Variants in GMCL1 observed in about 807,000 individuals in gnomAD.
GMCL1 encodes germ cell-less 1, spermatogenesis associated.
Under a neutral mutation model 75.5 loss-of-function variants are expected in GMCL1, and 54 were observed. The ratio of observed to expected loss-of-function variants is 0.71; its 90% CI spans 0.57 to 0.90. GMCL1 has a LOEUF of 0.90. Ranked by LOEUF, GMCL1 falls within the 40% of genes least tolerant of loss-of-function variation. The probability of loss-of-function intolerance (pLI) is 0.00; values close to 1 mark genes in which losing one functional copy is unlikely to be tolerated. For synonymous variants in GMCL1, 210 were observed against 209.6 expected, an observed-to-expected ratio of 1.00 and a Z score of -0.02; for missense variants, 537 against 622.7, an observed-to-expected ratio of 0.86 and a Z score of 1.47.
intron 7 of GMCL1, 22 bp downstream of exon 7, chr2:69,847,649 A>G (rs1477389255): frequency 7.0e-7 from 1 of 1,434,568 alleles, no homozygotes; most frequent in East Asian, 2.3e-5. Context: ...ATATGATGTC[A>G]TATTATACAA....
chr2:69,854,350 A>G (rs1257325253), intron 8 of GMCL1, among the ~76,000 whole-genome samples: 2 of 152,122 alleles, frequency 1.3e-5, no homozygotes, highest in Non-Finnish European at 2.9e-5. Context: ...TTCAATAGAG[A>G]ATTAATATAT....
intron 6 of GMCL1, 68 bp from the exon 7 acceptor site, chr2:69,847,475 T>C: frequency 1.0e-6 from 1 of 971,560 alleles, no homozygotes; most frequent in South Asian, 1.3e-5. Context: ...CTTAAAGCTT[T>C]TATTTCTACC....
intron 11 of GMCL1, 188 bp from the exon 12 acceptor site, chr2:69,869,531 G>A (rs1419004509): frequency 1.5e-5 from 8 of 531,884 alleles, no homozygotes; most frequent in East Asian, 1.2e-4. Context: ...GATCATTAAG[G>A]GCAGCTTTTC....
chr2:69,838,198 G>T (rs923451537), intron 2 of GMCL1, among the ~76,000 whole-genome samples: 1 of 151,684 alleles, frequency 6.6e-6, no homozygotes, highest in African/African-American at 2.4e-5. Context: ...CATAGCTGAC[G>T]TGGTGTTGGG....
In GMCL1 at chr2:69,843,170, G is replaced by A; in HGVS notation, c.601G>A (p.Gly201Ser). Residue 201 changes from glycine to serine, a missense_variant, in exon 5 of 14, where the codon GGT (glycine) becomes AGT (serine). By Grantham distance (56) the Gly-to-Ser change is moderately conservative. Coordinates refer to ENST00000282570, the MANE Select transcript of GMCL1 (RefSeq NM_178439.5). Reference sequence around the variant, plus strand: ...ACAGGACGGTTTAATACAGCAGTGTGGTGAGACAATGAAGGAAACAGTTAA... The same window carrying A: ...ACAGGACGGTTTAATACAGCAGTGTAGTGAGACAATGAAGGAAACAGTTAA... ...LQLDGLIQQC[G>S]ETMKETVNVK... 1 of 1,609,938 alleles carries A rather than the reference G, an allele frequency of 6.2e-7. No homozygotes were observed. Among genetic ancestry groups the A allele is most frequent in the South Asian group, 1.1e-5 (1 of 90,986 alleles).
chr2:69,848,543 C>T (rs1675219737), intron 7 of GMCL1, among the ~76,000 whole-genome samples: 1 of 152,080 alleles, frequency 6.6e-6, no homozygotes, highest in African/African-American at 2.4e-5. Context: ...CCCCTCTCTA[C>T]AAAAAATACA....
At chr2:69,877,690 G>A (rs920255250) in intron 13 of GMCL1, among the ~76,000 whole-genome samples, 2 of 124,244 alleles carry the variant, frequency 1.6e-5, no homozygotes, top group African/African-American at 6.3e-5. Context: ...CTCGTACAGA[G>A]AGAGAGATTG....
chr2:69,870,628 C>T (rs1017353058), intron 12 of GMCL1, among the ~76,000 whole-genome samples: 4 of 151,978 alleles, frequency 2.6e-5, no homozygotes, highest in African/African-American at 9.7e-5. Flanking sequence ...ACATTAATAC[C>T]CAGAATATAT....
chr2:69,861,003 C>T (rs564469269), intron 9 of GMCL1, among the ~76,000 whole-genome samples: 20 of 152,280 alleles, frequency 1.3e-4, no homozygotes, highest in Middle Eastern at 6.8e-3. Context: ...CCACCACACC[C>T]GGCTAATTTT....
intron 11 of GMCL1, among the ~76,000 whole-genome samples, chr2:69,869,185 G>T (rs1222850629): frequency 6.6e-6 from 1 of 151,038 alleles, no homozygotes; most frequent in Non-Finnish European, 1.5e-5. Context: ...GGAGGTGGAG[G>T]TTGTGGTGAG....
intron 6 of GMCL1, chr2:69,844,416 A>G (rs2103967204): frequency 3.1e-6 from 1 of 325,914 alleles, no homozygotes; most frequent in East Asian, 5.3e-5. Flanking sequence ...GTTTTAACCG[A>G]AAAATGCATT....
intron 6 of GMCL1, chr2:69,844,467 C>A: frequency 4.4e-6 from 1 of 229,244 alleles, no homozygotes; most frequent in Non-Finnish European, 8.4e-6. Flanking sequence ...TTTTGCCAGG[C>A]TGTTAGAGAA....
In GMCL1 at chr2:69,830,287, T is replaced by C. The variant is rs989743169; in HGVS notation, c.260+135T>C. The C allele has an allele frequency of 9.2e-6, 11 of 1,201,584 alleles. No individual in the cohort carries two copies. The Admixed American group carries it at 3.2e-4, about 35-fold the overall frequency. The allele number at this position is 1,201,584 out of a possible 1,614,324, so 74.4% of individuals were successfully genotyped here. A position where few individuals can be genotyped will look rare whatever the true frequency, so the allele number is the denominator to read the frequency against. On this transcript the variant is annotated intron_variant, in intron 1 of 13. Coordinates refer to ENST00000282570, the MANE Select transcript of GMCL1 (RefSeq NM_178439.5). The stretch of plus-strand genomic sequence containing the variant: ...GGGGACGTGCCCTTGACAGGGTGAA[T>C]GTGGAAGCCGGCCCGATGCGGGGCG...
Position 69,869,969 on chromosome 2 carries a change from A to G in GMCL1, c.1364+105A>G, listed in dbSNP as rs138272390. 4,988 of 1,152,000 alleles carry G rather than the reference A, an allele frequency of 4.3e-3. 237 individuals are homozygous for G. The South Asian group carries it at 0.073, about 17-fold the overall frequency. 71.4% of individuals were successfully genotyped at this position (1,152,000 alleles called of 1,614,324 possible). A position where few individuals can be genotyped will look rare whatever the true frequency, so the allele number is the denominator to read the frequency against. The stretch of plus-strand genomic sequence containing the variant: ...CATTAGTAGAACTTTGGTAAGCTAC[A>G]GTATATGTGGAAGTGGTAGGAAATG... On this transcript the variant is annotated intron_variant, in intron 12 of 13. Coordinates refer to ENST00000282570, the MANE Select transcript of GMCL1 (RefSeq NM_178439.5).
chr2:69,850,941 G>A (rs1675301521), intron 8 of GMCL1, among the ~76,000 whole-genome samples: 1 of 152,174 alleles, frequency 6.6e-6, no homozygotes, highest in Non-Finnish European at 1.5e-5. Context: ...TAACTAAAGA[G>A]ATTGAATGAC....
intron 13 of GMCL1, 131 bp downstream of exon 13, chr2:69,871,963 A>G: frequency 3.3e-6 from 2 of 607,680 alleles, no homozygotes; most frequent in Non-Finnish European, 5.7e-6. Context: ...AGTCTTTTGA[A>G]GGTAAAGATG....
At chr2:69,835,190 G>A (rs1028056611) in intron 1 of GMCL1, among the ~76,000 whole-genome samples, 2 of 151,984 alleles carry the variant, frequency 1.3e-5, no homozygotes, top group Admixed American at 1.3e-4. Context: ...GACAAGCAAG[G>A]AAGGATCACC....
At chr2:69,843,333 T>A (rs1386736445) in intron 5 of GMCL1, 72 bp downstream of exon 5, 1 of 738,780 alleles carries the variant, frequency 1.4e-6, no homozygotes, top group African/African-American at 1.8e-5. Flanking sequence ...CTTAAGAGAA[T>A]GTATAGCTAT....
chr2:69,864,485 G>T (rs1675749970), intron 10 of GMCL1, among the ~76,000 whole-genome samples: 1 of 151,478 alleles, frequency 6.6e-6, no homozygotes, highest in Admixed American at 6.6e-5. Flanking sequence ...ATGAAAAATG[G>T]TTTGCATGTG....
Sources: gnomAD v4.1 joint callset for allele counts (sites outside exome capture counted in the v4.1 genomes callset) on GRCh38, gnomAD v4.1.1 for gene constraint, MANE v1.5 for transcripts, NCBI Gene and HGNC (gene_info 2026-07-23, HGNC 2026-07-21) for gene names.